HMGA2: variants seen among roughly 807,000 people sequenced by gnomAD.
HMGA2 encodes high mobility group AT-hook 2, also known as high mobility group protein HMGI-C.
HMGA2 carries 8 observed loss-of-function variants against 19.1 expected under a neutral mutation model. The ratio of observed to expected loss-of-function variants is 0.42; its 90% CI spans 0.25 to 0.76. The LOEUF (loss-of-function observed/expected upper bound fraction) is 0.76. Ranked by LOEUF, HMGA2 falls within the 30% of genes least tolerant of loss-of-function variation. The probability of loss-of-function intolerance (pLI) is 0.28; values close to 1 mark genes in which losing one functional copy is unlikely to be tolerated. For synonymous variants in HMGA2, 60 were observed against 48.8 expected, an observed-to-expected ratio of 1.23 and a Z score of -0.96; for missense variants, 109 against 136.3, an observed-to-expected ratio of 0.80 and a Z score of 1.00.
intron 3 of HMGA2, chr12:65,881,652 AAGAG>A (rs138318159): frequency 6.3e-6 from 4 of 636,828 alleles, no homozygotes; most frequent in Non-Finnish European, 1.1e-5. Flanking sequence ...GGGAGGGAGA[AAGAG>A]AGAGAGAGAG....
intron 3 of HMGA2, among the ~76,000 whole-genome samples, chr12:65,886,358 T>C (rs1350317382): frequency 6.9e-6 from 1 of 145,576 alleles, no homozygotes; most frequent in Non-Finnish European, 1.5e-5. Flanking sequence ...TCTTTCTTTT[T>C]CTCTCTTTTT....
intron 3 of HMGA2, chr12:65,934,700 G>C (rs1012669937): frequency 2.6e-5 from 4 of 152,170 alleles, no homozygotes; most frequent in African/African-American, 9.7e-5. Context: ...ACTTGAAAGT[G>C]ATTTGCACAT....
intron 2 of HMGA2, 40 bp downstream of exon 2, chr12:65,828,127 G>A (rs1592369514): frequency 1.4e-6 from 2 of 1,431,572 alleles, no homozygotes; most frequent in Non-Finnish European, 9.9e-7. Flanking sequence ...CTTCATCAAT[G>A]ACTGACTACA....
chr12:65,866,699 G>A (rs1038383900), intron 3 of HMGA2: 17 of 415,138 alleles, frequency 4.1e-5, no homozygotes, highest in African/African-American at 1.2e-4. Flanking sequence ...ACCTTAGCCC[G>A]CTTCTCATTC....
chr12:65,912,910 A>G lies in HMGA2; in HGVS notation c.250-38473A>G, dbSNP rs141668872. 9.7e-4 allele frequency among the ~76,000 whole-genome samples: 147 copies of G among 152,248 alleles called. 1 individual carries two copies. In the East Asian group the frequency reaches 0.021, roughly 22 times the overall value. On this transcript the variant is annotated intron_variant, in intron 3 of 4. Transcript: ENST00000403681. ...ATATAAATATAAAGTTAAAATAGAA[A>G]CTGTTTTAGGGTTGACAAAAACTCT... is the stretch of plus-strand genomic sequence containing the variant.
At chr12:65,963,047 G>A (rs1013229694) in intron 4 of HMGA2, among the ~76,000 whole-genome samples, 198 bp from the exon 5 acceptor site, 5 of 152,070 alleles carry the variant, frequency 3.3e-5, no homozygotes, top group South Asian at 4.2e-4. Flanking sequence ...GCTAATGACC[G>A]CTCTGGGAAA....
At position 65,964,707 on chromosome 12, in the gene HMGA2, T is replaced by C. The variant is rs541478260; in HGVS notation, c.*1415T>C. ...TTAAAGAAGCAATCTCCTTACTGTGTTTCAGCATGACTATGTATTTTTCTA... is the reference window on the plus strand; with the variant it reads ...TTAAAGAAGCAATCTCCTTACTGTGCTTCAGCATGACTATGTATTTTTCTA... On this transcript the variant is annotated 3_prime_UTR_variant, in exon 5 of 5. Transcript: ENST00000403681. 31 of 202,500 alleles carry C rather than the reference T, an allele frequency of 1.5e-4. No homozygotes were observed. Among genetic ancestry groups the C allele is most frequent in the Admixed American group, 1.2e-4 (2 of 16,762 alleles). 12.5% of individuals were successfully genotyped at this position (202,500 alleles called of 1,614,324 possible). A position where few individuals can be genotyped will look rare whatever the true frequency, so the allele number is the denominator to read the frequency against.
chr12:65,897,497 T>C (rs758592199), intron 3 of HMGA2, among the ~76,000 whole-genome samples: 3 of 152,206 alleles, frequency 2.0e-5, no homozygotes, highest in Non-Finnish European at 4.4e-5. Flanking sequence ...TTACTTGCCA[T>C]GCATTTTCTT....
At chr12:65,940,082 T>C (rs1348404291) in intron 3 of HMGA2, among the ~76,000 whole-genome samples, 1 of 151,608 alleles carries the variant, frequency 6.6e-6, no homozygotes, top group Admixed American at 6.6e-5. Flanking sequence ...TGTAACATAA[T>C]CAAATATTAT....
At chr12:65,918,890 G>A (rs1021359781) in intron 3 of HMGA2, among the ~76,000 whole-genome samples, 1 of 152,192 alleles carries the variant, frequency 6.6e-6, no homozygotes, top group Non-Finnish European at 1.5e-5. Context: ...TTAGGAGTGA[G>A]GTGAATGATG....
intron 3 of HMGA2, among the ~76,000 whole-genome samples, chr12:65,926,771 TC>T (rs1471827193): frequency 6.6e-6 from 1 of 152,164 alleles, no homozygotes; most frequent in Non-Finnish European, 1.5e-5. Context: ...TGAAGCACCC[TC>T]ATTGTCACAG....
intron 3 of HMGA2, chr12:65,843,665 T>TAC (rs35271921): frequency 0.094 from 13,787 of 146,584 alleles, 675 homozygotes; most frequent in Middle Eastern, 0.14. Flanking sequence ...GTTTGCTACT[T>TAC]ACACACACAC....
chr12:65,956,959 A>G (rs535235997), intron 4 of HMGA2: 1 of 152,324 alleles, frequency 6.6e-6, no homozygotes, highest in South Asian at 2.1e-4. Context: ...GAAAATCCTT[A>G]ATGGTTGCAT....
At chr12:65,827,050 A>G (rs1315797135) in intron 1 of HMGA2, 1 of 152,212 alleles carries the variant, frequency 6.6e-6, no homozygotes, top group African/African-American at 2.4e-5. Flanking sequence ...TGAAATGTGA[A>G]TAGATGATTC....
chr12:65,917,267 C>T (rs1431495337), intron 3 of HMGA2, among the ~76,000 whole-genome samples: 1 of 152,138 alleles, frequency 6.6e-6, no homozygotes, highest in Non-Finnish European at 1.5e-5. Flanking sequence ...AAGGTCCCTG[C>T]CACTGAGGCC....
chr12:65,839,852 A>G (rs1870917693), intron 3 of HMGA2, among the ~76,000 whole-genome samples: 3 of 152,208 alleles, frequency 2.0e-5, no homozygotes, highest in Admixed American at 1.3e-4. Flanking sequence ...AGCTCTGCAC[A>G]TTAGAAAATT....
chr12:65,859,947 C>A, intron 3 of HMGA2: 3 of 317,970 alleles, frequency 9.4e-6, no homozygotes, highest in Admixed American at 3.8e-5. Context: ...AAAAATTAGC[C>A]AGGTGTGTGG....
intron 3 of HMGA2, among the ~76,000 whole-genome samples, chr12:65,932,141 A>G (rs1323771167): frequency 6.6e-6 from 1 of 152,198 alleles, no homozygotes; most frequent in Non-Finnish European, 1.5e-5. Context: ...AGGAAGAGGG[A>G]AGTGAGAGCT....
chr12:65,904,700 T>C (rs1328617147), intron 3 of HMGA2, among the ~76,000 whole-genome samples: 1 of 152,202 alleles, frequency 6.6e-6, no homozygotes, highest in African/African-American at 2.4e-5. Flanking sequence ...ATTTTAAAAC[T>C]CTTAAACATC....
Sources: allele counts gnomAD v4.1 joint callset (sites outside exome capture counted in the v4.1 genomes callset), GRCh38; gene constraint gnomAD v4.1.1; transcripts MANE v1.5; gene names NCBI Gene and HGNC (gene_info 2026-07-23, HGNC 2026-07-21).